Variants in BCR observed in about 807,000 individuals in gnomAD.
The protein encoded by BCR is BCR activator of RhoGEF and GTPase.
BCR carries 58 observed loss-of-function variants against 138.6 expected under a neutral mutation model. The ratio of observed to expected loss-of-function variants is 0.42; its 90% confidence interval spans 0.34 to 0.52. The LOEUF (loss-of-function observed/expected upper bound fraction) is 0.52. Ranked by LOEUF, BCR falls within the 20% of genes least tolerant of loss-of-function variation. BCR has a pLI of 0.06. For synonymous variants in BCR, 786 were observed against 730.1 expected, an observed-to-expected ratio of 1.08 and a Z score of -1.23; for missense variants, 1,599 against 1,727.2, an observed-to-expected ratio of 0.93 and a Z score of 1.32.
chr22:23,273,187 A>C, intron 7 of BCR, 54 bp downstream of exon 7: 1 of 1,569,362 alleles, frequency 6.4e-7, no homozygotes, highest in Non-Finnish European at 8.7e-7. Context: ...TCGGGCACAC[A>C]CAGCAACAAT....
At chr22:23,261,601 T>G (rs566264120) in intron 4 of BCR, 61 bp downstream of exon 4, 974 of 1,570,478 alleles carry the variant, frequency 6.2e-4, no homozygotes, top group Non-Finnish European at 7.3e-4. Flanking sequence ...CAGCTAATTT[T>G]TTGCATTTTT....
At chr22:23,303,536 A>G (rs938416020) in intron 16 of BCR, among the ~76,000 whole-genome samples, 8 of 152,238 alleles carry the variant, frequency 5.3e-5, no homozygotes, top group Non-Finnish European at 1.0e-4. Flanking sequence ...TAGGAGAGAA[A>G]CTTATGTATG....
At chr22:23,189,469 AG>A (rs1481425355) in intron 1 of BCR, among the ~76,000 whole-genome samples, 1 of 152,070 alleles carries the variant, frequency 6.6e-6, no homozygotes. Flanking sequence ...GAAGTTCCCC[AG>A]GGCGACACTC....
At chr22:23,311,096 CAAGTT>C (rs1306448031) in intron 18 of BCR, among the ~76,000 whole-genome samples, 4 of 133,270 alleles carry the variant, frequency 3.0e-5, no homozygotes, top group Non-Finnish European at 4.8e-5. Context: ...AAACAGAACT[CAAGTT>C]AAGGCCTCCG....
At chr22:23,248,708 A>G (rs2073185504) in intron 1 of BCR, among the ~76,000 whole-genome samples, 1 of 152,106 alleles carries the variant, frequency 6.6e-6, no homozygotes, top group Non-Finnish European at 1.5e-5. Flanking sequence ...TCCTCTCCCC[A>G]GCCCCACTCC....
intron 12 of BCR, among the ~76,000 whole-genome samples, chr22:23,288,911 C>A (rs1478927404): frequency 6.6e-6 from 1 of 152,216 alleles, no homozygotes; most frequent in African/African-American, 2.4e-5. Context: ...CCTGGCCTGA[C>A]CTCCCGCGCC....
chr22:23,259,604 C>G (rs868430692), intron 2 of BCR, among the ~76,000 whole-genome samples: 1 of 152,052 alleles, frequency 6.6e-6, no homozygotes. Context: ...GCAACCTCCC[C>G]CTCCTGTGTT....
chr22:23,314,217 C>T, intron 21 of BCR, 144 bp downstream of exon 21: 1 of 696,492 alleles, frequency 1.4e-6, no homozygotes, highest in East Asian at 2.7e-5. Flanking sequence ...CGACTAGTGC[C>T]ACTGCCACCC....
chr22:23,264,276 G>A (rs2073410962), intron 4 of BCR: 2 of 918,252 alleles, frequency 2.2e-6, no homozygotes, highest in East Asian at 2.4e-5. Flanking sequence ...CGGCAGCCCT[G>A]TGTACTGCCT....
intron 14 of BCR, chr22:23,290,669 G>A (rs1164850680): frequency 2.0e-6 from 1 of 504,754 alleles, no homozygotes; most frequent in Non-Finnish European, 3.6e-6. Flanking sequence ...CCTGCAGGTG[G>A]ATCGAGTAAT....
chr22:23,231,272 C>G (rs2072955282), intron 1 of BCR, among the ~76,000 whole-genome samples: 2 of 152,024 alleles, frequency 1.3e-5, no homozygotes. Flanking sequence ...TTTTGAGAGG[C>G]CAAGGCGGGA....
intron 2 of BCR, among the ~76,000 whole-genome samples, chr22:23,256,078 C>T (rs1267894512): frequency 6.6e-6 from 1 of 152,174 alleles, no homozygotes. Context: ...ATGCAACAAG[C>T]CATGCAAATG....
chr22:23,264,065 T>C (rs1459739777), intron 4 of BCR: 2 of 1,142,514 alleles, frequency 1.8e-6, no homozygotes, highest in South Asian at 1.2e-5. Flanking sequence ...ATGACACCTA[T>C]GTTCGCTACT....
chr22:23,260,750 C>T (rs2073347112), intron 2 of BCR, 200 bp from the exon 3 acceptor site: 10 of 561,492 alleles, frequency 1.8e-5, no homozygotes, highest in Non-Finnish European at 3.2e-5. Flanking sequence ...GACCCCCCTC[C>T]CCGGGATTCT....
At chr22:23,301,039 T>C (rs2073896988) in intron 16 of BCR, among the ~76,000 whole-genome samples, 1 of 152,208 alleles carries the variant, frequency 6.6e-6, no homozygotes, top group African/African-American at 2.4e-5. Flanking sequence ...TGAAGAGAGA[T>C]GCACCTGTCA....
chr22:23,194,661 C>G (rs1487400404), intron 1 of BCR, among the ~76,000 whole-genome samples: 2 of 152,032 alleles, frequency 1.3e-5, no homozygotes, highest in African/African-American at 4.8e-5. Flanking sequence ...ATCCACCCAC[C>G]TCGGCCTCCC....
chr22:23,257,825 A>G (rs1437194649), intron 2 of BCR, among the ~76,000 whole-genome samples: 1 of 152,218 alleles, frequency 6.6e-6, no homozygotes, highest in Non-Finnish European at 1.5e-5. Context: ...ACTGTCTCCA[A>G]GTGAGAGTAC....
At chr22:23,201,389 A>G (rs1255272671) in intron 1 of BCR, among the ~76,000 whole-genome samples, 4 of 152,218 alleles carry the variant, frequency 2.6e-5, no homozygotes, top group Non-Finnish European at 5.9e-5. Flanking sequence ...GGCCCCTTCT[A>G]GAGCCCACCC....
chr22:23,231,786 C>T (rs1205816336), intron 1 of BCR, among the ~76,000 whole-genome samples: 1 of 152,220 alleles, frequency 6.6e-6, no homozygotes, highest in Admixed American at 6.5e-5. Context: ...TGTCCCCACC[C>T]GTGCCTACGC....
Sources: allele counts gnomAD v4.1 joint callset (sites outside exome capture counted in the v4.1 genomes callset), GRCh38; gene constraint gnomAD v4.1.1; transcripts MANE v1.5; gene names NCBI Gene and HGNC (gene_info 2026-07-23, HGNC 2026-07-21).